The following QTMAN variants were observed in gnomAD, a reference collection of about 807,000 sequenced individuals.
QTMAN encodes queuosine-tRNA mannosyltransferase.
chr2:144,186,369 T>C, the QTMAN span, among the ~76,000 whole-genome samples: 1 of 152,192 alleles, frequency 6.6e-6, no homozygotes, highest in Non-Finnish European at 1.5e-5. Flanking sequence ...GATTATGTTG[T>C]AGAGGGTGGA....
the QTMAN span, among the ~76,000 whole-genome samples, chr2:144,066,157 CTTTTT>C: frequency 1.3e-5 from 2 of 150,466 alleles, no homozygotes; most frequent in East Asian, 1.9e-4. Context: ...TCTTCCTTTT[CTTTTT>C]TTTTCTTTTT....
At chr2:144,064,337 A>T in the QTMAN span, among the ~76,000 whole-genome samples, 10 of 152,270 alleles carry the variant, frequency 6.6e-5, no homozygotes, top group African/African-American at 2.4e-4. Context: ...TCTGTACATT[A>T]GAAGTCAGAT....
At chr2:144,035,319 T>C in the QTMAN span, among the ~76,000 whole-genome samples, 1 of 152,288 alleles carries the variant, frequency 6.6e-6, no homozygotes, top group East Asian at 1.9e-4. Flanking sequence ...ACCTCTTTTC[T>C]TTATAAACTA....
chr2:144,018,260 C>A, the QTMAN span, among the ~76,000 whole-genome samples: 2 of 151,886 alleles, frequency 1.3e-5, no homozygotes, highest in Non-Finnish European at 2.9e-5. Flanking sequence ...TTTTCTTTTT[C>A]ATTTGCCTAT....
the QTMAN span, among the ~76,000 whole-genome samples, chr2:144,291,426 C>T: frequency 6.6e-6 from 1 of 152,292 alleles, no homozygotes; most frequent in East Asian, 1.9e-4. Context: ...CACCCTCACC[C>T]TTTATTCAGG....
the QTMAN span, among the ~76,000 whole-genome samples, chr2:144,325,505 AAAG>A: frequency 6.6e-6 from 1 of 151,596 alleles, no homozygotes; most frequent in Non-Finnish European, 1.5e-5. Flanking sequence ...ATATATAGAA[AAAG>A]AAAAAAGGAA....
At chr2:144,186,766 A>G in the QTMAN span, among the ~76,000 whole-genome samples, 1 of 152,162 alleles carries the variant, frequency 6.6e-6, no homozygotes, top group African/African-American at 2.4e-5. Flanking sequence ...GATTTTCTTC[A>G]GTGTCCTCTA....
the QTMAN span, among the ~76,000 whole-genome samples, chr2:144,113,021 C>A: frequency 6.6e-6 from 1 of 152,060 alleles, no homozygotes; most frequent in African/African-American, 2.4e-5. Flanking sequence ...TAAGTAGGAT[C>A]CAGAGTCTCA....
chr2:144,315,180 C>T, the QTMAN span, among the ~76,000 whole-genome samples: 2 of 152,272 alleles, frequency 1.3e-5, no homozygotes, highest in South Asian at 2.1e-4. Flanking sequence ...CCATCGCATC[C>T]GGCCCATAAA....
At chr2:144,056,850 G>T in the QTMAN span, among the ~76,000 whole-genome samples, 1 of 152,206 alleles carries the variant, frequency 6.6e-6, no homozygotes, top group African/African-American at 2.4e-5. Flanking sequence ...AGAGGTAGTG[G>T]TGCTGAAGAA....
chr2:144,247,009 C>A, the QTMAN span, among the ~76,000 whole-genome samples: 4 of 152,072 alleles, frequency 2.6e-5, no homozygotes, highest in African/African-American at 9.7e-5. Flanking sequence ...AGTGAGAAAA[C>A]TGAATAAAGA....
At chr2:144,329,690 A>G in the QTMAN span, among the ~76,000 whole-genome samples, 2 of 152,222 alleles carry the variant, frequency 1.3e-5, no homozygotes, top group South Asian at 2.1e-4. Flanking sequence ...TCTTCTCCCA[A>G]TTTTTCTAAA....
chr2:144,160,298 T>G, the QTMAN span, among the ~76,000 whole-genome samples: 1 of 152,186 alleles, frequency 6.6e-6, no homozygotes. Flanking sequence ...AAGCATTTCC[T>G]ACAAAAATGT....
the QTMAN span, chr2:143,942,043 A>G: frequency 5.5e-5 from 9 of 164,810 alleles, no homozygotes. Flanking sequence ...GAGAAAGGTC[A>G]TACCAATATT....
chr2:144,291,807 T>C, the QTMAN span, among the ~76,000 whole-genome samples: 1 of 152,312 alleles, frequency 6.6e-6, no homozygotes, highest in Non-Finnish European at 1.5e-5. Context: ...CTACCACAAA[T>C]TCAAGTTCAT....
the QTMAN span, among the ~76,000 whole-genome samples, chr2:144,104,089 C>CA: frequency 6.6e-6 from 1 of 152,018 alleles, no homozygotes; most frequent in Non-Finnish European, 1.5e-5. Context: ...GACTCCATCT[C>CA]AAAAAATAAA....
the QTMAN span, chr2:143,939,640 T>C: frequency 6.6e-6 from 1 of 152,228 alleles, no homozygotes; most frequent in East Asian, 1.9e-4. Context: ...CTTATAATTG[T>C]CCCTGTTTAT....
At chr2:144,266,220 C>A in the QTMAN span, among the ~76,000 whole-genome samples, 24 of 152,072 alleles carry the variant, frequency 1.6e-4, no homozygotes, top group African/African-American at 5.8e-4. Context: ...ACTGAAGATA[C>A]TAGAAGGTTA....
chr2:144,162,267 A>G, the QTMAN span, among the ~76,000 whole-genome samples: 1 of 152,238 alleles, frequency 6.6e-6, no homozygotes, highest in South Asian at 2.1e-4. Flanking sequence ...TATACTTCAA[A>G]GGAAACAGTA....
Sources: gnomAD v4.1 joint callset for allele counts (sites outside exome capture counted in the v4.1 genomes callset) on GRCh38, gnomAD v4.1.1 for gene constraint, MANE v1.5 for transcripts, NCBI Gene and HGNC (gene_info 2026-07-23, HGNC 2026-07-21) for gene names.